Variants in RPP30 observed in about 807,000 individuals in gnomAD.
RPP30 encodes ribonuclease P protein subunit p30.
A neutral mutation model predicts 38.6 loss-of-function variants in RPP30; 36 were observed. The ratio of observed to expected loss-of-function variants is 0.93; its 90% CI spans 0.71 to 1.23. RPP30 has a LOEUF of 1.23. Ranked by LOEUF, RPP30 falls within the 50% of genes most tolerant of loss-of-function variation. The pLI, the probability that RPP30 is intolerant of heterozygous loss-of-function variation, is 0.00. For synonymous variants in RPP30, 126 were observed against 112.7 expected (o/e 1.12, Z -0.75); for missense variants, 321 against 321.7 (o/e 1.00, Z 0.02).
At chr10:90,900,502 T>C (rs1372617503) in intron 10 of RPP30, 68 bp from the exon 11 acceptor site, 11 of 1,501,940 alleles carry the variant, frequency 7.3e-6, no homozygotes, top group Non-Finnish European at 6.4e-6. Flanking sequence ...CAAAGTAATA[T>C]GTTAAACCAC....
chr10:90,900,974 G>A lies in RPP30; in HGVS notation c.*295G>A. The A allele has an allele frequency of 9.4e-7, 1 of 1,061,736 alleles. No homozygotes were observed. Among genetic ancestry groups the A allele is most frequent in the Non-Finnish European group, 1.1e-6 (1 of 877,398 alleles). 65.8% of individuals were successfully genotyped at this position (1,061,736 alleles called of 1,614,324 possible). A position where few individuals can be genotyped will look rare whatever the true frequency, so the allele number is the denominator to read the frequency against. ...AAATATACTTGAATAAAATGTTTCA[G>A]GTATTTTTGTTTCATTTTGTTTTTG... is the stretch of plus-strand genomic sequence containing the variant. On this transcript the variant is annotated 3_prime_UTR_variant, in exon 11 of 11. Coordinates refer to ENST00000371703, the MANE Select transcript of RPP30 (RefSeq NM_006413.5).
At chr10:90,903,429 A>T (rs552824188), downstream of RPP30, among the ~76,000 whole-genome samples, 1 of 152,340 alleles carries the variant, frequency 6.6e-6, no homozygotes, top group Admixed American at 6.5e-5. Context: ...TGTTATAGAA[A>T]GGAGGTAAAA....
At chr10:90,892,675 A>C (rs1251669983) in intron 6 of RPP30, among the ~76,000 whole-genome samples, 2 of 152,190 alleles carry the variant, frequency 1.3e-5, no homozygotes, top group East Asian at 3.9e-4. Flanking sequence ...CCACAACTAG[A>C]AGGATAAGGA....
In RPP30 at chr10:90,875,565, A is replaced by G. The variant is rs760658677; in HGVS notation, c.146A>G (p.Glu49Gly). The G allele has an allele frequency of 6.2e-7, 1 of 1,613,088 alleles. No individual in the cohort carries two copies. Among genetic ancestry groups the G allele is most frequent in the African/African-American group, 1.3e-5 (1 of 74,914 alleles). Reference sequence around the variant, plus strand: ...ATTTATCGTTTGTTGTAGGAAATTGAAAAACCAGTAGCTGTTTCTGAACTC... The same window carrying G: ...ATTTATCGTTTGTTGTAGGAAATTGGAAAACCAGTAGCTGTTTCTGAACTC... ...VDFKEKKQEIEKPVAVSELFT... is the reference protein window; with the variant it reads ...VDFKEKKQEIGKPVAVSELFT... The change falls in exon 3 of 11, where the codon GAA becomes GGA. Residue 49 changes from glutamate to glycine, a missense_variant. Physicochemically the swap from Glu to Gly is moderately conservative, Grantham distance 98. Transcript: ENST00000371703.
At chr10:90,892,716 T>TAG (rs1397658056) in intron 6 of RPP30, among the ~76,000 whole-genome samples, 1 of 152,230 alleles carries the variant, frequency 6.6e-6, no homozygotes, top group Admixed American at 6.5e-5. Flanking sequence ...CTTCAGCTAA[T>TAG]TAGTAGTTTT....
intron 5 of RPP30, among the ~76,000 whole-genome samples, chr10:90,880,721 A>G (rs1257107379): frequency 6.9e-6 from 1 of 145,230 alleles, no homozygotes; most frequent in African/African-American, 2.4e-5. Context: ...CTGTGTCTCA[A>G]AAAAATTTTT....
intron 5 of RPP30, among the ~76,000 whole-genome samples, chr10:90,884,303 G>T (rs1214613725): frequency 6.6e-6 from 1 of 152,188 alleles, no homozygotes; most frequent in Non-Finnish European, 1.5e-5. Flanking sequence ...TTGTTGGTGT[G>T]TGCATTTAAA....
chr10:90,893,577 C>G (rs1188591686), intron 6 of RPP30, among the ~76,000 whole-genome samples: 1 of 152,060 alleles, frequency 6.6e-6, no homozygotes, highest in African/African-American at 2.4e-5. Context: ...CACAGTTGGC[C>G]CTTCCCATCC....
chr10:90,899,941 A>G (rs980025513), intron 10 of RPP30, among the ~76,000 whole-genome samples: 2 of 151,718 alleles, frequency 1.3e-5, no homozygotes, highest in African/African-American at 2.4e-5. Context: ...TTTAAGTTGA[A>G]CTCTGCTGCC....
In RPP30 at chr10:90,872,006, T is replaced by C; in HGVS notation, c.20T>C (p.Leu7Ser). 1 of 1,614,118 alleles carries C rather than the reference T, an allele frequency of 6.2e-7. No individual in the cohort carries two copies. Among genetic ancestry groups the C allele is most frequent in the South Asian group, 1.1e-5 (1 of 91,074 alleles). Residue 7 changes from leucine to serine, a missense_variant, in exon 1 of 11, where the codon TTG becomes TCG. Leu to Ser is a moderately radical substitution (Grantham distance 145, BLOSUM62 -2). Coordinates refer to ENST00000371703, the MANE Select transcript of RPP30 (RefSeq NM_006413.5). The stretch of plus-strand genomic sequence containing the variant: ...TTCAGCATGGCGGTGTTTGCAGATT[T>C]GGACCTGCGAGCGGGTTCTGACCTG... MAVFAD[L>S]DLRAGSDLKA...
chr10:90,894,924 A>G, intron 7 of RPP30, 33 bp downstream of exon 7: 2 of 1,423,770 alleles, frequency 1.4e-6, no homozygotes, highest in South Asian at 2.3e-5. Flanking sequence ...TGTTTTTCGC[A>G]TCTGGCAGTT....
chr10:90,887,545 G>A (rs1401288611), intron 6 of RPP30, among the ~76,000 whole-genome samples: 1 of 151,742 alleles, frequency 6.6e-6, no homozygotes, highest in East Asian at 1.9e-4. Flanking sequence ...ACCATGTCCG[G>A]CTAATTTTTG....
intron 10 of RPP30, among the ~76,000 whole-genome samples, 174 bp downstream of exon 10, chr10:90,896,566 C>A (rs769972388): frequency 9.9e-5 from 15 of 152,148 alleles, no homozygotes; most frequent in Non-Finnish European, 2.1e-4. Context: ...GCTTTACTTT[C>A]TAAAGTTTGT....
At chr10:90,876,181 C>T in intron 4 of RPP30, 83 bp downstream of exon 4, 1 of 908,210 alleles carries the variant, frequency 1.1e-6, no homozygotes, top group Non-Finnish European at 1.8e-6. Context: ...TTTGTCTTCC[C>T]CATTTTACAT....
intron 1 of RPP30, among the ~76,000 whole-genome samples, chr10:90,873,633 G>C (rs771184964): frequency 1.3e-5 from 2 of 152,198 alleles, no homozygotes; most frequent in Non-Finnish European, 2.9e-5. Context: ...GATCCTAGTT[G>C]ACATTTCTGT....
chr10:90,893,114 A>G (rs902173947), intron 6 of RPP30, among the ~76,000 whole-genome samples: 1 of 152,248 alleles, frequency 6.6e-6, no homozygotes, highest in Non-Finnish European at 1.5e-5. Context: ...GGAAAATAGC[A>G]TTTAAATTCT....
chr10:90,901,530 C>T lies in RPP30; in HGVS notation c.*851C>T. Reference sequence around the variant, plus strand: ...TCACTGCTTCATGCCTACGTAAGGTCTTTGAAATAGGATTCCTTACTTTTA... The same window carrying T: ...TCACTGCTTCATGCCTACGTAAGGTTTTTGAAATAGGATTCCTTACTTTTA... On this transcript the variant is annotated 3_prime_UTR_variant, in exon 11 of 11. Coordinates refer to ENST00000371703, the MANE Select transcript of RPP30 (RefSeq NM_006413.5). 1.0e-6 allele frequency: 1 copy of T among 985,116 alleles called. No homozygotes were observed. Among genetic ancestry groups the T allele is most frequent in the Non-Finnish European group, 1.2e-6 (1 of 829,758 alleles). 61.0% of individuals were successfully genotyped at this position (985,116 alleles called of 1,614,324 possible).
intron 4 of RPP30, among the ~76,000 whole-genome samples, chr10:90,876,586 A>G (rs1312633468): frequency 1.3e-5 from 2 of 152,226 alleles, no homozygotes; most frequent in Non-Finnish European, 2.9e-5. Flanking sequence ...ATAGGTGACA[A>G]GCAGGGAGCT....
rs1158766187 is a variant in RPP30 at position 90,894,897 on chromosome 10, G to GT, written c.549+8dup. ...TGCAAATCTGCAAAGGAAAGGTATGGTTCTATAATTTTAGGATGTTTTTCG... is the reference window on the plus strand; with the variant it reads ...TGCAAATCTGCAAAGGAAAGGTATGGTTTCTATAATTTTAGGATGTTTTTCG... On this transcript the variant is annotated splice_region_variant and intron_variant, in intron 7 of 10. Coordinates refer to ENST00000371703, the MANE Select transcript of RPP30 (RefSeq NM_006413.5). 6.3e-7 allele frequency: 1 copy of GT among 1,575,410 alleles called. No individual in the cohort carries two copies. The highest frequency in any genetic ancestry group is 1.1e-5 in the South Asian group (1 of 90,258).
Sources: allele counts gnomAD v4.1 joint callset (sites outside exome capture counted in the v4.1 genomes callset), GRCh38; gene constraint gnomAD v4.1.1; transcripts MANE v1.5; gene names NCBI Gene and HGNC (gene_info 2026-07-23, HGNC 2026-07-21).